ELOVL2: variants seen among roughly 807,000 people sequenced by gnomAD.
ELOVL2 encodes ELOVL fatty acid elongase 2, also known as very long chain fatty acid elongase 2.
Under a neutral mutation model 37.7 loss-of-function variants are expected in ELOVL2, and 38 were observed. The ratio of observed to expected loss-of-function variants is 1.01; its 90% CI spans 0.78 to 1.32. ELOVL2 has a LOEUF of 1.32. ELOVL2 is among the 40% of genes most tolerant of loss of function. The probability of loss-of-function intolerance (pLI) is 0.00; values close to 1 mark genes in which losing one functional copy is unlikely to be tolerated. For missense variants in ELOVL2, 352 were observed against 363.6 expected (o/e 0.97, Z 0.26); for synonymous variants, 115 against 122.3 (o/e 0.94, Z 0.40).
chr6:10,997,778 C>T lies in ELOVL2; in HGVS notation c.333+2309G>A, dbSNP rs994868744. ...CTCACATCAGGAGGTACGTAATTTC[C>T]GGCTGTTCCACTGATACTCAAACTG... On this transcript the variant is annotated intron_variant, in intron 4 of 7. Transcript: ENST00000354666. Among the ~76,000 whole-genome samples the T allele has an allele frequency of 9.9e-5, 15 of 152,132 alleles. 1 individual carries two copies. The highest frequency in any genetic ancestry group is 2.1e-4 in the Non-Finnish European group (14 of 68,030).
intron 1 of ELOVL2, among the ~76,000 whole-genome samples, chr6:11,037,119 G>GGAGAGAGACAGAGAGGGA (rs1299892489): frequency 2.8e-5 from 4 of 143,876 alleles, no homozygotes; most frequent in Admixed American, 1.4e-4. Context: ...AGGCAGAGAA[G>GGAGAGAGACAGAGAGGGA]GAGAGAGACA....
chr6:11,023,989 T>A lies in ELOVL2; in HGVS notation c.4-13180A>T, dbSNP rs139711798. ...GTTAGTTTAAGCATCTTCTAGGATATCCTTGTAATTCACCTTAATTCATTC... is the reference window on the plus strand; with the variant it reads ...GTTAGTTTAAGCATCTTCTAGGATAACCTTGTAATTCACCTTAATTCATTC... On this transcript the variant is annotated intron_variant, in intron 1 of 7. Transcript: ENST00000354666. 3.4e-3 allele frequency among the ~76,000 whole-genome samples: 512 copies of A among 152,340 alleles called. 2 individuals carry two copies. The highest frequency in any genetic ancestry group is 0.012 in the African/African-American group (493 of 41,568).
chr6:10,995,337 T>A (rs1020234498), intron 4 of ELOVL2, among the ~76,000 whole-genome samples, 159 bp from the exon 5 acceptor site: 5 of 151,452 alleles, frequency 3.3e-5, no homozygotes, highest in African/African-American at 1.2e-4. Flanking sequence ...CAGTTTCTCC[T>A]TATTTCAAGC....
At chr6:11,003,159 T>C (rs1782420423) in intron 3 of ELOVL2, among the ~76,000 whole-genome samples, 1 of 152,228 alleles carries the variant, frequency 6.6e-6, no homozygotes, top group South Asian at 2.1e-4. Context: ...TATTTTACTT[T>C]AAATTCTGGG....
intron 1 of ELOVL2, among the ~76,000 whole-genome samples, chr6:11,036,107 C>G (rs1435375194): frequency 1.3e-5 from 2 of 152,094 alleles, no homozygotes; most frequent in African/African-American, 2.4e-5. Flanking sequence ...CTGTCTTACA[C>G]GAAGCAAGTA....
chr6:11,029,792 G>C (rs1047902470), intron 1 of ELOVL2, among the ~76,000 whole-genome samples: 4 of 152,228 alleles, frequency 2.6e-5, no homozygotes, highest in African/African-American at 9.6e-5. Context: ...TGTGGGAAAA[G>C]AGAAACACTG....
In ELOVL2 at chr6:10,981,918, A is replaced by C. The variant is rs1308664453; in HGVS notation, c.*1863T>G. On this transcript the variant is annotated 3_prime_UTR_variant, in exon 8 of 8. Coordinates refer to ENST00000354666, the MANE Select transcript of ELOVL2 (RefSeq NM_017770.4). ...TGGTCCAACTTGTGTTTTGTCACAG[A>C]GGAGCCATTAACAGTCATGCTTGAA... 2 of 152,252 alleles carry C rather than the reference A, an allele frequency of 1.3e-5. No individual in the cohort carries two copies. Among genetic ancestry groups the C allele is most frequent in the African/African-American group, 4.8e-5 (2 of 41,458 alleles). The allele number at this position is 152,252 out of a possible 1,614,324, so 9.4% of individuals were successfully genotyped here. A position where few individuals can be genotyped will look rare whatever the true frequency, so the allele number is the denominator to read the frequency against.
Position 11,044,088 on chromosome 6 carries a change from C to A in ELOVL2, c.3+140G>T. 1 of 1,126,946 alleles carries A rather than the reference C, an allele frequency of 8.9e-7. No individual in the cohort carries two copies. The allele number at this position is 1,126,946 out of a possible 1,614,324, so 69.8% of individuals were successfully genotyped here. ...GCTCCCCAGGCCCGCGCGGACCCGG[C>A]CCCTCCGAGGGTAGCGGGTTCCAGC... is the stretch of plus-strand genomic sequence containing the variant. On this transcript the variant is annotated intron_variant, in intron 1 of 7. Coordinates refer to ENST00000354666, the MANE Select transcript of ELOVL2 (RefSeq NM_017770.4). The surrounding 1 kb of genome is among the most constrained non-coding windows in gnomAD (Gnocchi z 5.6).
chr6:11,023,126 C>T (rs1000985721), intron 1 of ELOVL2, among the ~76,000 whole-genome samples: 10 of 152,194 alleles, frequency 6.6e-5, no homozygotes, highest in Admixed American at 4.6e-4. Flanking sequence ...CTACTTCTTC[C>T]ACAGGAAGTG....
chr6:11,025,444 A>AAT (rs1782824742), intron 1 of ELOVL2, among the ~76,000 whole-genome samples: 2 of 152,228 alleles, frequency 1.3e-5, no homozygotes, highest in African/African-American at 2.4e-5. Context: ...GCAGGCTTGT[A>AAT]ATACTGAGTG....
chr6:11,029,999 G>A (rs1042541778), intron 1 of ELOVL2, among the ~76,000 whole-genome samples: 1 of 152,162 alleles, frequency 6.6e-6, no homozygotes, highest in Admixed American at 6.5e-5. Flanking sequence ...GTGGGGATAT[G>A]GGAATACAGT....
In ELOVL2 at chr6:10,990,414, A is replaced by T. The variant is rs764110484; in HGVS notation, c.534T>A (p.Phe178Leu). Reference sequence around the variant, plus strand: ...AGTAGGAGTACATAAGAATGTGGATAAAACTGTTCAGTGTTGGTCCAAAGA... The same window carrying T: ...AGTAGGAGTACATAAGAATGTGGATTAAACTGTTCAGTGTTGGTCCAAAGA... The part of the protein sequence containing the change: ...QSFFGPTLNS[F>L]IHILMYSYYG... Residue 178 changes from phenylalanine to leucine, a missense_variant, in exon 6 of 8, where the codon TTT (phenylalanine) becomes TTA (leucine). Coordinates refer to ENST00000354666, the MANE Select transcript of ELOVL2 (RefSeq NM_017770.4). 6.2e-7 allele frequency: 1 copy of T among 1,609,584 alleles called. No homozygotes were observed. The highest frequency in any genetic ancestry group is 1.7e-5 in the Admixed American group (1 of 59,120).
At chr6:11,038,654 CTT>C (rs1218594868) in intron 1 of ELOVL2, among the ~76,000 whole-genome samples, 5 of 152,000 alleles carry the variant, frequency 3.3e-5, no homozygotes, top group African/African-American at 1.2e-4. Flanking sequence ...TCATTAAAAA[CTT>C]ATGATGAAAT....
intron 7 of ELOVL2, among the ~76,000 whole-genome samples, chr6:10,988,346 C>A (rs905648768): frequency 1.3e-5 from 2 of 152,222 alleles, no homozygotes; most frequent in Admixed American, 1.3e-4. Context: ...GGGCGGATCA[C>A]CTGAGGTCAG....
At chr6:11,024,336 A>G (rs1782809499) in intron 1 of ELOVL2, among the ~76,000 whole-genome samples, 1 of 152,214 alleles carries the variant, frequency 6.6e-6, no homozygotes, top group African/African-American at 2.4e-5. Context: ...TGCTAAATGA[A>G]CACTTTTATG....
chr6:11,027,973 G>C (rs1782863971), intron 1 of ELOVL2, among the ~76,000 whole-genome samples: 1 of 152,126 alleles, frequency 6.6e-6, no homozygotes, highest in Non-Finnish European at 1.5e-5. Context: ...GAATGTCGTA[G>C]AACTATTATC....
At chr6:11,011,486 G>T (rs1782583287) in intron 1 of ELOVL2, among the ~76,000 whole-genome samples, 1 of 152,168 alleles carries the variant, frequency 6.6e-6, no homozygotes, top group Non-Finnish European at 1.5e-5. Context: ...ACAGTTGTGG[G>T]TAGGCAATAG....
intron 1 of ELOVL2, among the ~76,000 whole-genome samples, chr6:11,038,959 G>T (rs1053988056): frequency 2.0e-5 from 3 of 152,198 alleles, no homozygotes; most frequent in Admixed American, 6.5e-5. Flanking sequence ...AGAGGATCAG[G>T]TGTGGTACAT....
rs1781960152 is a variant in ELOVL2 at position 10,982,651 on chromosome 6, T to C, written c.*1130A>G. ...CATATACCTGAGCAGGGAACAGGAG[T>C]GCTGAGTTTGCCAAACTGGCATTTT... On this transcript the variant is annotated 3_prime_UTR_variant, in exon 8 of 8. Coordinates refer to ENST00000354666, the MANE Select transcript of ELOVL2 (RefSeq NM_017770.4). 6.6e-6 allele frequency: 1 copy of C among 152,100 alleles called. No homozygotes were observed. Among genetic ancestry groups the C allele is most frequent in the Non-Finnish European group, 1.5e-5 (1 of 68,040 alleles). The allele number at this position is 152,100 out of a possible 1,614,324, so 9.4% of individuals were successfully genotyped here. A position where few individuals can be genotyped will look rare whatever the true frequency, so the allele number is the denominator to read the frequency against.
Sources: gnomAD v4.1 joint callset for allele counts (sites outside exome capture counted in the v4.1 genomes callset) on GRCh38, gnomAD v4.1.1 for gene constraint, Gnocchi (gnomAD v3.1) non-coding constraint, MANE v1.5 for transcripts, NCBI Gene and HGNC (gene_info 2026-07-23, HGNC 2026-07-21) for gene names.